The following COPS5 variants were observed in gnomAD, a reference collection of about 807,000 sequenced individuals.
COPS5 encodes COP9 signalosome complex subunit 5.
A neutral mutation model predicts 44.4 loss-of-function variants in COPS5; 8 were observed. The ratio of observed to expected loss-of-function variants is 0.18; its 90% CI spans 0.11 to 0.32. COPS5 has a LOEUF of 0.32. COPS5 is among the 10% of genes least tolerant of loss of function. The probability of loss-of-function intolerance (pLI) is 1.00; values close to 1 mark genes in which losing one functional copy is unlikely to be tolerated. For missense variants in COPS5, 159 were observed against 406.4 expected, an observed-to-expected ratio of 0.39 and a Z score of 5.23; for synonymous variants, 122 against 142.8, an observed-to-expected ratio of 0.85 and a Z score of 1.04.
intron 7 of COPS5, 144 bp from the exon 8 acceptor site, chr8:67,043,461 T>C (rs974242555): frequency 9.6e-6 from 5 of 521,346 alleles, no homozygotes; most frequent in Non-Finnish European, 1.4e-5. Flanking sequence ...AAGTTTTCCC[T>C]TGTGATTTTA....
Position 67,047,601 on chromosome 8 carries a change from A to T in COPS5, c.772-1641T>A, listed in dbSNP as rs917930564. 4.4e-5 allele frequency: 19 copies of T among 433,948 alleles called. No individual in the cohort carries two copies. The Admixed American group carries it at 6.0e-4, about 14-fold the overall frequency. 26.9% of individuals were successfully genotyped at this position (433,948 alleles called of 1,614,324 possible). A position where few individuals can be genotyped will look rare whatever the true frequency, so the allele number is the denominator to read the frequency against. ...AACGTCCTTAGCTGGGGGAAGAGAGAAGTTGAACATATATCTACATATTTG... is the reference window on the plus strand; with the variant it reads ...AACGTCCTTAGCTGGGGGAAGAGAGTAGTTGAACATATATCTACATATTTG... On this transcript the variant is annotated intron_variant, in intron 6 of 7. Transcript: ENST00000357849.
chr8:67,049,688 A>G (rs935468576), intron 6 of COPS5, among the ~76,000 whole-genome samples: 1 of 152,096 alleles, frequency 6.6e-6, no homozygotes, highest in African/African-American at 2.4e-5. Flanking sequence ...TGGAAGCGTA[A>G]TGCCTCCTTT....
At chr8:67,044,542 T>C (rs1816675856) in intron 7 of COPS5, 1 of 152,124 alleles carries the variant, frequency 6.6e-6, no homozygotes, top group Admixed American at 6.5e-5. Flanking sequence ...TAGAAGTCAA[T>C]ATGTTTCTTC....
At chr8:67,061,516 T>G in intron 1 of COPS5, 1 of 433,482 alleles carries the variant, frequency 2.3e-6, no homozygotes, top group East Asian at 6.5e-5. Context: ...AATCCCCAGT[T>G]TGGGATTAGT....
At chr8:67,059,116 T>C in intron 2 of COPS5, 95 bp downstream of exon 2, 2 of 724,994 alleles carry the variant, frequency 2.8e-6, no homozygotes, top group Non-Finnish European at 4.5e-6. Flanking sequence ...AATATAAAAT[T>C]TCATGTAAAG....
intron 4 of COPS5, among the ~76,000 whole-genome samples, chr8:67,056,831 A>C (rs1291573465): frequency 6.6e-6 from 1 of 150,606 alleles, no homozygotes; most frequent in Non-Finnish European, 1.5e-5. Flanking sequence ...CTTTCCCCCC[A>C]CCCAGTTTGG....
chr8:67,057,288 G>A lies in COPS5; in HGVS notation c.573+92C>T. The A allele has an allele frequency of 6.6e-6, 5 of 754,350 alleles. No individual in the cohort carries two copies. In the Admixed American group the frequency reaches 1.0e-4, roughly 15 times the overall value. 46.7% of individuals were successfully genotyped at this position (754,350 alleles called of 1,614,324 possible). On this transcript the variant is annotated intron_variant, in intron 4 of 7. Coordinates refer to ENST00000357849, the MANE Select transcript of COPS5 (RefSeq NM_006837.3). ...GGCTTGAGCCTAGGCGATGAAGGCT[G>A]TAGTACACTATGATCATGCCTGTGA...
chr8:67,045,515 T>G (rs990808172), intron 7 of COPS5: 4 of 340,982 alleles, frequency 1.2e-5, no homozygotes, highest in South Asian at 4.2e-5. Context: ...AAGATCCACT[T>G]AAGGGCTGCT....
At chr8:67,057,756 A>G (rs1326744040) in intron 3 of COPS5, among the ~76,000 whole-genome samples, 2 of 152,228 alleles carry the variant, frequency 1.3e-5, no homozygotes, top group Non-Finnish European at 2.9e-5. Context: ...CCTGGATTGC[A>G]CTTAAAACAC....
Position 67,059,014 on chromosome 8 carries a change from AAAC to A in COPS5, c.378+194_378+196del, listed in dbSNP as rs980048428. The stretch of plus-strand genomic sequence containing the variant: ...GTGAGTCCCTGTCTCGAAAAAAAAA[AAAC>A]AACAACAACAAAAAACAAAAAAAAC... On this transcript the variant is annotated intron_variant, in intron 2 of 7. Coordinates refer to ENST00000357849, the MANE Select transcript of COPS5 (RefSeq NM_006837.3). Among the ~76,000 whole-genome samples the A allele has an allele frequency of 1.7e-4, 26 of 151,912 alleles. No individual in the cohort carries two copies. In the East Asian group the frequency reaches 1.7e-3, roughly 10 times the overall value.
chr8:67,043,544 T>C lies in COPS5; in HGVS notation c.921-227A>G, dbSNP rs1037351189. ...TTCACAAGAGAATGACAACGTAAAA[T>C]TTGATACAATTGTTCTGTTTTAGAA... On this transcript the variant is annotated intron_variant, in intron 7 of 7. Coordinates refer to ENST00000357849, the MANE Select transcript of COPS5 (RefSeq NM_006837.3). 4 of 352,892 alleles carry C rather than the reference T, an allele frequency of 1.1e-5. No homozygotes were observed. In the South Asian group the frequency reaches 2.3e-4, roughly 20 times the overall value. The allele number at this position is 352,892 out of a possible 1,614,324, so 21.9% of individuals were successfully genotyped here.
intron 5 of COPS5, among the ~76,000 whole-genome samples, chr8:67,055,995 G>A (rs1804497663): frequency 6.6e-6 from 1 of 152,078 alleles, no homozygotes; most frequent in African/African-American, 2.4e-5. Flanking sequence ...TCTTTGTTCA[G>A]TAGAAATTAT....
At chr8:67,043,381 C>A in intron 7 of COPS5, 64 bp from the exon 8 acceptor site, 1 of 978,010 alleles carries the variant, frequency 1.0e-6, no homozygotes, top group Non-Finnish European at 1.6e-6. Context: ...CACACAAGAT[C>A]AGCCCCAATC....
chr8:67,052,881 G>A (rs904516187), intron 5 of COPS5, among the ~76,000 whole-genome samples: 2 of 151,726 alleles, frequency 1.3e-5, no homozygotes, highest in African/African-American at 4.8e-5. Context: ...CTCTTGGAAG[G>A]TGCTTGAGTA....
At chr8:67,044,590 ATTTC>A (rs1453796353) in intron 7 of COPS5, 2 of 151,076 alleles carry the variant, frequency 1.3e-5, no homozygotes, top group Non-Finnish European at 2.9e-5. Flanking sequence ...TACAATTCAA[ATTTC>A]TTTTCTTTCT....
intron 6 of COPS5, among the ~76,000 whole-genome samples, chr8:67,047,271 T>C (rs1816713334): frequency 6.6e-6 from 1 of 152,218 alleles, no homozygotes; most frequent in South Asian, 2.1e-4. Context: ...TATAGGGGGC[T>C]CTTTAAAATG....
rs192993254 is a variant in COPS5 at position 67,051,808 on chromosome 8, G to A, written c.660-467C>T. On this transcript the variant is annotated intron_variant, in intron 5 of 7. Coordinates refer to ENST00000357849, the MANE Select transcript of COPS5 (RefSeq NM_006837.3). ...TTTTTGAAAAGCAAATTTTAAGGTA[G>A]GTCCTTAAGGCATCTAAAATAATTG... Among the ~76,000 whole-genome samples, 606 of 152,214 alleles carry A rather than the reference G, an allele frequency of 4.0e-3. 1 individual carries two copies. The highest frequency in any genetic ancestry group is 6.9e-3 in the Non-Finnish European group (471 of 68,024).
At chr8:67,058,008 A>G (rs6997490) in intron 3 of COPS5, 75 bp downstream of exon 3, 779,539 of 1,486,328 alleles carry the variant, frequency 0.52, 212,239 homozygotes, top group African/African-American at 0.91. Flanking sequence ...TTACTACACT[A>G]TTCTTATTTC....
chr8:67,047,309 AACTT>A (rs1272697360), intron 6 of COPS5, among the ~76,000 whole-genome samples: 2 of 152,194 alleles, frequency 1.3e-5, no homozygotes, highest in African/African-American at 2.4e-5. Context: ...GATTTTTACA[AACTT>A]AATATTTTTT....
Sources: gnomAD v4.1 joint callset for allele counts (sites outside exome capture counted in the v4.1 genomes callset) on GRCh38, gnomAD v4.1.1 for gene constraint, MANE v1.5 for transcripts, NCBI Gene and HGNC (gene_info 2026-07-23, HGNC 2026-07-21) for gene names.